The following ACSS3 variants were observed in gnomAD, a reference collection of about 807,000 sequenced individuals.
ACSS3 encodes the protein acyl-CoA synthetase short chain family member 3.
In ACSS3, 64 loss-of-function variants were observed where a neutral mutation model predicts 84.2. That is an observed-to-expected ratio of 0.76 (90% confidence interval 0.62 to 0.94). The LOEUF (loss-of-function observed/expected upper bound fraction) is 0.94. Among genes scored for constraint, ACSS3 ranks in the 40% least tolerant of loss-of-function variants. The probability of loss-of-function intolerance (pLI) is 0.00; values close to 1 mark genes in which losing one functional copy is unlikely to be tolerated. For synonymous variants in ACSS3, 317 were observed against 310.1 expected, an observed-to-expected ratio of 1.02 and a Z score of -0.23; for missense variants, 815 against 867.6, an observed-to-expected ratio of 0.94 and a Z score of 0.76.
At chr12:81,115,027 AC>A (rs1412131966) in intron 2 of ACSS3, among the ~76,000 whole-genome samples, 10 of 152,078 alleles carry the variant, frequency 6.6e-5, no homozygotes, top group Non-Finnish European at 8.8e-5. Flanking sequence ...GGATTTTTTC[AC>A]TCAACTTTCT....
At position 81,259,746 on chromosome 12, in the gene ACSS3, G is replaced by T; in HGVS notation, c.*4824G>T. On this transcript the variant is annotated 3_prime_UTR_variant, in exon 16 of 16. Coordinates refer to ENST00000548058, the MANE Select transcript of ACSS3 (RefSeq NM_024560.4). ...CTACTCCTCTGTGGTGTACCTCCAC[G>T]CAGCCTGCTTACTCCTGTCCTAGAA... is the stretch of plus-strand genomic sequence containing the variant. 3 of 1,183,320 alleles carry T rather than the reference G, an allele frequency of 2.5e-6. No homozygotes were observed. The highest frequency in any genetic ancestry group is 2.4e-6 in the Non-Finnish European group (2 of 834,228). 73.3% of individuals were successfully genotyped at this position (1,183,320 alleles called of 1,614,324 possible). A position where few individuals can be genotyped will look rare whatever the true frequency, so the allele number is the denominator to read the frequency against.
rs1186424276 is a variant in ACSS3 at position 81,257,367 on chromosome 12, T to C, written c.*2445T>C. The C allele has an allele frequency of 1.3e-5, 2 of 152,154 alleles. No homozygotes were observed. Among genetic ancestry groups the C allele is most frequent in the Non-Finnish European group, 2.9e-5 (2 of 68,026 alleles). 9.4% of individuals were successfully genotyped at this position (152,154 alleles called of 1,614,324 possible). A position where few individuals can be genotyped will look rare whatever the true frequency, so the allele number is the denominator to read the frequency against. On this transcript the variant is annotated 3_prime_UTR_variant, in exon 16 of 16. Transcript: ENST00000548058. ...TAAAATTTGGGAGGAAAAAATTCTA[T>C]TTTACTACTAACCATAAATCACTTT...
intron 14 of ACSS3, 23 bp from the exon 15 acceptor site, chr12:81,253,472 T>TACCATCTGAA: frequency 6.2e-7 from 1 of 1,613,514 alleles, no homozygotes; most frequent in East Asian, 2.2e-5. Flanking sequence ...ATTCAGTGCT[T>TACCATCTGAA]ACCATCTGAA....
intron 1 of ACSS3, among the ~76,000 whole-genome samples, chr12:81,080,291 G>C (rs1225006430): frequency 2.0e-5 from 3 of 151,790 alleles, no homozygotes; most frequent in Non-Finnish European, 4.4e-5. Context: ...AGCAAGTAGA[G>C]CTTAAGACCA....
At chr12:81,233,266 A>G in intron 12 of ACSS3, 83 bp from the exon 13 acceptor site, 1 of 1,464,694 alleles carries the variant, frequency 6.8e-7, no homozygotes, top group Non-Finnish European at 9.3e-7. Flanking sequence ...CATTTCTATT[A>G]CATTGTGTGT....
At chr12:81,206,907 A>G (rs2032371965) in intron 9 of ACSS3, among the ~76,000 whole-genome samples, 2 of 152,108 alleles carry the variant, frequency 1.3e-5, no homozygotes, top group Admixed American at 1.3e-4. Context: ...TGAATCAGAC[A>G]TTTCATCTTT....
intron 1 of ACSS3, among the ~76,000 whole-genome samples, chr12:81,087,122 A>G (rs1028656149): frequency 2.6e-5 from 4 of 152,172 alleles, no homozygotes; most frequent in East Asian, 1.9e-4. Flanking sequence ...ATAGTAAAAA[A>G]CAGAAGGTCT....
At chr12:81,173,951 AT>A (rs2030277751) in intron 7 of ACSS3, among the ~76,000 whole-genome samples, 1 of 152,134 alleles carries the variant, frequency 6.6e-6, no homozygotes, top group Non-Finnish European at 1.5e-5. Flanking sequence ...GGATATATAT[AT>A]ATATATCCAA....
chr12:81,226,956 A>G (rs908456300), intron 11 of ACSS3, among the ~76,000 whole-genome samples: 9 of 144,516 alleles, frequency 6.2e-5, no homozygotes, highest in African/African-American at 2.3e-4. Flanking sequence ...AATAGAACCA[A>G]TAGGATTTAC....
intron 13 of ACSS3, among the ~76,000 whole-genome samples, chr12:81,252,053 C>T (rs2034170614): frequency 6.6e-6 from 1 of 152,070 alleles, no homozygotes; most frequent in African/African-American, 2.4e-5. Context: ...ACATTGGTCT[C>T]TTTGAGGTAT....
intron 13 of ACSS3, among the ~76,000 whole-genome samples, chr12:81,236,872 TAA>T (rs1302283281): frequency 4.0e-5 from 6 of 151,414 alleles, no homozygotes; most frequent in African/African-American, 7.3e-5. Context: ...GTTTTTTTTA[TAA>T]GAGTGTCATT....
intron 2 of ACSS3, among the ~76,000 whole-genome samples, chr12:81,110,004 CT>C (rs1455028991): frequency 6.6e-6 from 1 of 152,168 alleles, no homozygotes; most frequent in Non-Finnish European, 1.5e-5. Flanking sequence ...TTACCATCAC[CT>C]TTGGCTGCTC....
At chr12:81,176,208 T>C (rs1237145232) in intron 8 of ACSS3, among the ~76,000 whole-genome samples, 4 of 152,110 alleles carry the variant, frequency 2.6e-5, no homozygotes, top group Admixed American at 2.0e-4. Flanking sequence ...CTGAGACAAT[T>C]ACAAATACCT....
chr12:81,176,935 G>T (rs1023181251), intron 8 of ACSS3, among the ~76,000 whole-genome samples: 6 of 152,040 alleles, frequency 3.9e-5, no homozygotes, highest in African/African-American at 1.4e-4. Flanking sequence ...CCAGCAAACT[G>T]GAACGAGCAG....
chr12:81,163,756 A>G (rs1162342089), intron 7 of ACSS3, among the ~76,000 whole-genome samples: 1 of 152,194 alleles, frequency 6.6e-6, no homozygotes, highest in Admixed American at 6.5e-5. Context: ...TAGTTTTTAA[A>G]CAAAAAAGTT....
Position 81,139,002 on chromosome 12 carries a change from T to C in ACSS3, c.646-129T>C, listed in dbSNP as rs887511751. The C allele has an allele frequency of 9.0e-6, 9 of 999,850 alleles. No individual in the cohort carries two copies. The Admixed American group carries it at 2.1e-4, about 23-fold the overall frequency. The allele number at this position is 999,850 out of a possible 1,614,324, so 61.9% of individuals were successfully genotyped here. ...AAAGGGTTTACTGGTTTTCAGACCA[T>C]TCAATAGAAAACAGAAACATTCAGA... On this transcript the variant is annotated intron_variant, in intron 3 of 15. Transcript: ENST00000548058.
At chr12:81,211,095 T>A (rs2135926669) in intron 9 of ACSS3, among the ~76,000 whole-genome samples, 1 of 152,116 alleles carries the variant, frequency 6.6e-6, no homozygotes, top group African/African-American at 2.4e-5. Context: ...GCCTGCCCAA[T>A]AGCTGGGACT....
chr12:81,150,361 T>A (rs1363429053), intron 5 of ACSS3, among the ~76,000 whole-genome samples: 13 of 152,314 alleles, frequency 8.5e-5, no homozygotes. Context: ...AAATGAATAG[T>A]TTTTATAAAG....
At chr12:81,077,899 C>A (rs966438210), upstream of ACSS3, 2 of 499,110 alleles carry the variant, frequency 4.0e-6, no homozygotes, top group Non-Finnish European at 6.9e-6. Flanking sequence ...CCTGCTGCAA[C>A]GGCGCTGTGA....
Sources: gnomAD v4.1 joint callset for allele counts (sites outside exome capture counted in the v4.1 genomes callset) on GRCh38, gnomAD v4.1.1 for gene constraint, MANE v1.5 for transcripts, NCBI Gene and HGNC (gene_info 2026-07-23, HGNC 2026-07-21) for gene names.